The following ANXA8 variants were observed in gnomAD, a reference collection of about 807,000 sequenced individuals.
ANXA8 encodes the protein VAC-beta.
A neutral mutation model predicts 26.8 loss-of-function variants in ANXA8; 9 were observed. The ratio of observed to expected loss-of-function variants is 0.34; its 90% CI spans 0.20 to 0.59. The LOEUF (loss-of-function observed/expected upper bound fraction) is 0.59. Ranked by LOEUF, ANXA8 falls within the 20% of genes least tolerant of loss-of-function variation. The pLI is 0.84. For synonymous variants in ANXA8, 39 were observed against 94.8 expected, an observed-to-expected ratio of 0.41 and a Z score of 3.42; for missense variants, 83 against 238.5, an observed-to-expected ratio of 0.35 and a Z score of 4.29.
the ANXA8 span, among the ~76,000 whole-genome samples, chr10:47,699,364 A>AAAAG: frequency 6.8e-6 from 1 of 148,072 alleles, no homozygotes; most frequent in African/African-American, 2.5e-5. Context: ...AAAAAAAAAA[A>AAAAG]AAAGAAAGAA....
At chr10:47,707,404 A>G in the ANXA8 span, among the ~76,000 whole-genome samples, 56 of 143,494 alleles carry the variant, frequency 3.9e-4, 2 homozygotes, top group South Asian at 4.6e-3. Flanking sequence ...TTTATTTTTT[A>G]GAGACAGGAT....
chr10:47,744,536 T>C, the ANXA8 span, among the ~76,000 whole-genome samples: 1 of 150,896 alleles, frequency 6.6e-6, no homozygotes, highest in Non-Finnish European at 1.5e-5. Context: ...TCACTCCACT[T>C]TGAGAAACAT....
At chr10:47,743,329 C>CACAT in the ANXA8 span, among the ~76,000 whole-genome samples, 594 of 47,462 alleles carry the variant, frequency 0.013, 51 homozygotes, top group Admixed American at 0.022. Flanking sequence ...TATATATATA[C>CACAT]ATATATATAT....
the ANXA8 span, among the ~76,000 whole-genome samples, chr10:47,949,536 A>T: frequency 1.3e-5 from 2 of 150,632 alleles, 1 homozygote; most frequent in African/African-American, 4.9e-5. Flanking sequence ...TCCTTAAAAG[A>T]TAATTGATTG....
chr10:47,702,307 C>T, the ANXA8 span, among the ~76,000 whole-genome samples: 2 of 151,270 alleles, frequency 1.3e-5, no homozygotes, highest in Non-Finnish European at 2.9e-5. Flanking sequence ...ATACCTGGTG[C>T]CCAGATCTTC....
At chr10:47,600,722 AT>A in the ANXA8 span, among the ~76,000 whole-genome samples, 3 of 134,590 alleles carry the variant, frequency 2.2e-5, no homozygotes, top group Non-Finnish European at 3.1e-5. Flanking sequence ...AGTAAAATAG[AT>A]TTTTTTTTCA....
the ANXA8 span, among the ~76,000 whole-genome samples, chr10:47,522,072 C>A: frequency 1.3e-5 from 2 of 150,612 alleles, no homozygotes; most frequent in East Asian, 4.0e-4. Flanking sequence ...CAGGCGTGAG[C>A]CACCAAGCCC....
At chr10:47,975,317 G>A in the ANXA8 span, among the ~76,000 whole-genome samples, 1 of 149,160 alleles carries the variant, frequency 6.7e-6, no homozygotes, top group African/African-American at 2.4e-5. Flanking sequence ...GCTGCAGGAG[G>A]GGTGAGGTGG....
chr10:47,550,093 T>C, the ANXA8 span, among the ~76,000 whole-genome samples: 1 of 151,648 alleles, frequency 6.6e-6, no homozygotes, highest in Non-Finnish European at 1.5e-5. Flanking sequence ...TTCCAGCCTG[T>C]GCCACAGAGC....
the ANXA8 span, among the ~76,000 whole-genome samples, chr10:47,646,143 T>A: frequency 2.7e-5 from 4 of 148,510 alleles, no homozygotes; most frequent in Non-Finnish European, 4.4e-5. Context: ...TCTATCTCTA[T>A]CTCTACCTCT....
At chr10:47,979,289 G>T in the ANXA8 span, among the ~76,000 whole-genome samples, 106,714 of 150,830 alleles carry the variant, frequency 0.71, 38,199 homozygotes, top group South Asian at 0.78. Context: ...GGATATAGAA[G>T]ATCTGAAAAA....
the ANXA8 span, among the ~76,000 whole-genome samples, chr10:47,663,389 AAT>A: frequency 2.1e-3 from 275 of 130,776 alleles, 16 homozygotes; most frequent in African/African-American, 8.8e-3. Context: ...AGTTAAAAAA[AAT>A]TTTTTTTTTT....
the ANXA8 span, among the ~76,000 whole-genome samples, chr10:47,942,250 T>A: frequency 6.8e-6 from 1 of 146,382 alleles, no homozygotes; most frequent in East Asian, 2.1e-4. Flanking sequence ...GAGTTCTTGG[T>A]GTTCTGTCAG....
At chr10:47,687,744 G>A in the ANXA8 span, among the ~76,000 whole-genome samples, 3 of 151,798 alleles carry the variant, frequency 2.0e-5, no homozygotes, top group African/African-American at 7.3e-5. Context: ...CTTTCTATGA[G>A]GATTAAATGA....
At chr10:47,942,320 C>T in the ANXA8 span, among the ~76,000 whole-genome samples, 1 of 145,642 alleles carries the variant, frequency 6.9e-6, no homozygotes, top group Admixed American at 6.8e-5. Context: ...GAAGGGGAAG[C>T]AGGAGATGCA....
chr10:47,572,274 C>T, the ANXA8 span, among the ~76,000 whole-genome samples: 1 of 146,568 alleles, frequency 6.8e-6, no homozygotes, highest in Non-Finnish European at 1.5e-5. Flanking sequence ...TTCTGCAGGA[C>T]CCTGATGTCT....
chr10:47,756,742 G>C, the ANXA8 span, among the ~76,000 whole-genome samples: 3 of 152,254 alleles, frequency 2.0e-5, no homozygotes, highest in Non-Finnish European at 2.9e-5. Flanking sequence ...TGGGACATGT[G>C]GGGTGAACCA....
chr10:47,681,797 A>G, the ANXA8 span, among the ~76,000 whole-genome samples: 183 of 122,854 alleles, frequency 1.5e-3, no homozygotes, highest in African/African-American at 5.7e-3. Flanking sequence ...CAGCCTCCCA[A>G]AGTAAAGTAC....
At chr10:47,940,563 C>CATGGGATTACA in the ANXA8 span, among the ~76,000 whole-genome samples, 1 of 146,720 alleles carries the variant, frequency 6.8e-6, no homozygotes, top group Non-Finnish European at 1.5e-5. Flanking sequence ...GGCATGGTGG[C>CATGGGATTACA]TCACACCTGT....
Sources: gnomAD v4.1 joint callset for allele counts (sites outside exome capture counted in the v4.1 genomes callset) on GRCh38, gnomAD v4.1.1 for gene constraint, MANE v1.5 for transcripts, NCBI Gene and HGNC (gene_info 2026-07-23, HGNC 2026-07-21) for gene names.